Variants in DYNC1LI1 observed in about 807,000 individuals in gnomAD.
DYNC1LI1 encodes cytoplasmic dynein 1 light intermediate chain 1.
In DYNC1LI1, 19 loss-of-function variants were observed where a neutral mutation model predicts 63.8. The ratio of observed to expected loss-of-function variants is 0.30; its 90% confidence interval spans 0.21 to 0.44. The LOEUF is 0.44. Ranked by LOEUF, DYNC1LI1 falls within the 20% of genes least tolerant of loss-of-function variation. The probability of loss-of-function intolerance (pLI) is 1.00; values close to 1 mark genes in which losing one functional copy is unlikely to be tolerated. For missense variants in DYNC1LI1, 565 were observed against 630.2 expected, an observed-to-expected ratio of 0.90 and a Z score of 1.11; for synonymous variants, 225 against 232.3, an observed-to-expected ratio of 0.97 and a Z score of 0.28.
intron 2 of DYNC1LI1, among the ~76,000 whole-genome samples, chr3:32,563,353 C>T (rs145469654): frequency 1.5e-4 from 23 of 148,758 alleles, no homozygotes; most frequent in South Asian, 1.1e-3. Flanking sequence ...TGCGGTGGCA[C>T]GATCTCGGCT....
chr3:32,538,002 A>ATATAATT (rs1697814430), intron 5 of DYNC1LI1, among the ~76,000 whole-genome samples: 1 of 41,586 alleles, frequency 2.4e-5, no homozygotes, highest in Non-Finnish European at 3.8e-5. Flanking sequence ...TATAATTTAT[A>ATATAATT]TATATAATAT....
At chr3:32,527,055 T>C (rs1697628593) in intron 12 of DYNC1LI1, 147 bp from the exon 13 acceptor site, 1 of 582,348 alleles carries the variant, frequency 1.7e-6, no homozygotes, top group Admixed American at 3.1e-5. Flanking sequence ...AATTTAAAAA[T>C]TTCAAGCTGG....
At chr3:32,537,937 A>ATAATTTATATATATAAT (rs60796171) in intron 5 of DYNC1LI1, among the ~76,000 whole-genome samples, 745 of 13,750 alleles carry the variant, frequency 0.054, 147 homozygotes, top group Non-Finnish European at 0.07. Flanking sequence ...ATATATATAT[A>ATAATTTATATATATAAT]ATATATATAT....
chr3:32,558,422 A>G (rs546252713), intron 2 of DYNC1LI1, among the ~76,000 whole-genome samples: 250 of 145,512 alleles, frequency 1.7e-3, no homozygotes, highest in African/African-American at 5.7e-3. Context: ...AAAAAAAAAA[A>G]AAAGAAAAGA....
chr3:32,533,641 C>A (rs1218630386), intron 7 of DYNC1LI1, among the ~76,000 whole-genome samples: 1 of 150,384 alleles, frequency 6.6e-6, no homozygotes, highest in African/African-American at 2.5e-5. Flanking sequence ...CCATGGCTCA[C>A]TGCAGCCTCT....
chr3:32,564,961 A>G (rs544901545), intron 2 of DYNC1LI1, among the ~76,000 whole-genome samples: 9 of 152,330 alleles, frequency 5.9e-5, no homozygotes, highest in Non-Finnish European at 1.2e-4. Context: ...TAGCTCAAGC[A>G]TAATAGTTTT....
chr3:32,530,629 T>C (rs1269980246), intron 8 of DYNC1LI1, 109 bp from the exon 9 acceptor site: 2 of 948,754 alleles, frequency 2.1e-6, no homozygotes, highest in Non-Finnish European at 3.2e-6. Flanking sequence ...AATTTGAACA[T>C]TACCTATACT....
At chr3:32,560,408 G>T (rs184362063) in intron 2 of DYNC1LI1, among the ~76,000 whole-genome samples, 118 of 152,264 alleles carry the variant, frequency 7.7e-4, no homozygotes, top group Non-Finnish European at 1.4e-3. Context: ...ACTCCAGCCT[G>T]GGCAACACAG....
intron 10 of DYNC1LI1, 36 bp downstream of exon 10, chr3:32,530,248 C>T: frequency 6.5e-7 from 1 of 1,541,194 alleles, no homozygotes; most frequent in South Asian, 1.2e-5. Flanking sequence ...ATATGTACTG[C>T]ATTTTAATCA....
rs1575163629 is a variant in DYNC1LI1, at chr3:32,570,827, G to A, written c.-57C>T. 6.4e-7 allele frequency: 1 copy of A among 1,558,096 alleles called. No individual in the cohort carries two copies. On this transcript the variant is annotated 5_prime_UTR_variant, in exon 1 of 13. Coordinates refer to ENST00000273130, the MANE Select transcript of DYNC1LI1 (RefSeq NM_016141.4). ...ACTAAATGTGCGAGGCGGCTGAGGC[G>A]GTGGCGGTGGAGGCGGCGGGAACCC...
intron 2 of DYNC1LI1, among the ~76,000 whole-genome samples, chr3:32,548,116 A>G (rs1697981568): frequency 6.6e-6 from 1 of 152,064 alleles, no homozygotes. Flanking sequence ...TGGAAGGTTC[A>G]TCATTATGTT....
At chr3:32,548,118 C>T (rs1013309542) in intron 2 of DYNC1LI1, among the ~76,000 whole-genome samples, 1 of 151,974 alleles carries the variant, frequency 6.6e-6, no homozygotes, top group Non-Finnish European at 1.5e-5. Context: ...GAAGGTTCAT[C>T]ATTATGTTAA....
rs201564012 is a variant in DYNC1LI1, at chr3:32,532,489, A to C, written c.1080+497T>G. On this transcript the variant is annotated intron_variant, in intron 8 of 12. Transcript: ENST00000273130. ...TCAAAAAAAAAAAAAAAATGTGTGT[A>C]TATATATATATATATATAAAATTGA... 2.8e-5 allele frequency: 4 copies of C among 141,374 alleles called. 1 individual carries two copies. Among genetic ancestry groups the C allele is most frequent in the African/African-American group, 1.1e-4 (4 of 37,960 alleles). The allele number at this position is 141,374 out of a possible 1,614,324, so 8.8% of individuals were successfully genotyped here.
chr3:32,567,547 T>TTAC (rs1357205118), intron 2 of DYNC1LI1, among the ~76,000 whole-genome samples: 1 of 151,234 alleles, frequency 6.6e-6, no homozygotes, highest in African/African-American at 2.4e-5. Flanking sequence ...ATTATTATTA[T>TTAC]TATTATTTTG....
At chr3:32,570,279 G>A in intron 2 of DYNC1LI1, 67 bp downstream of exon 2, 1 of 1,299,814 alleles carries the variant, frequency 7.7e-7, no homozygotes, top group Non-Finnish European at 1.1e-6. Flanking sequence ...CAGCGAGCTA[G>A]CCCGCGGACC....
intron 2 of DYNC1LI1, among the ~76,000 whole-genome samples, chr3:32,569,859 T>C (rs1004747526): frequency 9.2e-5 from 14 of 152,242 alleles, no homozygotes; most frequent in Admixed American, 6.5e-4. Flanking sequence ...CACGAGCACA[T>C]TGTACCAGAG....
chr3:32,536,908 G>A, intron 6 of DYNC1LI1, 103 bp downstream of exon 6: 5 of 620,108 alleles, frequency 8.1e-6, no homozygotes, highest in Non-Finnish European at 1.4e-5. Context: ...AAGGAGAAAT[G>A]TTTACAGAAT....
intron 2 of DYNC1LI1, among the ~76,000 whole-genome samples, chr3:32,555,837 A>G (rs1434128048): frequency 6.6e-6 from 1 of 152,256 alleles, no homozygotes; most frequent in African/African-American, 2.4e-5. Context: ...AGCAGGACAC[A>G]TGTGATAAAG....
intron 4 of DYNC1LI1, 110 bp downstream of exon 4, chr3:32,544,766 C>T (rs1697929703): frequency 1.4e-6 from 1 of 697,020 alleles, no homozygotes; most frequent in East Asian, 2.8e-5. Context: ...AAAGTACTTA[C>T]AATATGCTTA....
Sources: gnomAD v4.1 joint callset for allele counts (sites outside exome capture counted in the v4.1 genomes callset) on GRCh38, gnomAD v4.1.1 for gene constraint, MANE v1.5 for transcripts, NCBI Gene and HGNC (gene_info 2026-07-23, HGNC 2026-07-21) for gene names.